Variants in PRKCA observed in about 807,000 individuals in gnomAD.
The protein encoded by PRKCA is protein kinase C alpha.
A neutral mutation model predicts 87.0 loss-of-function variants in PRKCA; 27 were observed. That is an observed-to-expected ratio of 0.31 (90% confidence interval 0.23 to 0.43). The LOEUF is 0.43. PRKCA is among the 20% of genes least tolerant of loss of function. The pLI, the probability that PRKCA is intolerant of heterozygous loss-of-function variation, is 1.00. For synonymous variants in PRKCA, 329 were observed against 311.1 expected (o/e 1.06, Z -0.61); for missense variants, 518 against 852.3 (o/e 0.61, Z 4.88).
At chr17:66,307,776 C>T (rs1423415458) in intron 2 of PRKCA, among the ~76,000 whole-genome samples, 1 of 152,036 alleles carries the variant, frequency 6.6e-6, no homozygotes, top group African/African-American at 2.4e-5. Context: ...AACATAACTC[C>T]CTTTTACCTA....
intron 13 of PRKCA, among the ~76,000 whole-genome samples, chr17:66,766,867 G>A (rs1007338772): frequency 2.1e-4 from 32 of 151,944 alleles, no homozygotes; most frequent in South Asian, 4.2e-4. Flanking sequence ...CACAGATGGT[G>A]GGGACTGGCT....
intron 2 of PRKCA, among the ~76,000 whole-genome samples, chr17:66,397,892 C>T (rs1910782565): frequency 6.6e-6 from 1 of 152,146 alleles, no homozygotes; most frequent in South Asian, 2.1e-4. Flanking sequence ...GGGAGCTCCT[C>T]AGGATAAGGC....
intron 8 of PRKCA, among the ~76,000 whole-genome samples, chr17:66,693,491 G>T (rs915059613): frequency 1.3e-5 from 2 of 152,172 alleles, no homozygotes; most frequent in Non-Finnish European, 2.9e-5. Context: ...AAAATATTTG[G>T]GAACAAAGCA....
At position 66,788,926 on chromosome 17, in the gene PRKCA, G is replaced by A. The variant is rs923604011; in HGVS notation, c.1801G>A (p.Asp601Asn). The A allele has an allele frequency of 3.7e-6, 6 of 1,614,076 alleles. No individual in the cohort carries two copies. The highest frequency in any genetic ancestry group is 1.1e-5 in the South Asian group (1 of 91,054). ...AGAGCATGCCTTCTTCCGGAGGATCGACTGGGAAAAACTGGAGAACAGGGA... is the reference window on the plus strand; with the variant it reads ...AGAGCATGCCTTCTTCCGGAGGATCAACTGGGAAAAACTGGAGAACAGGGA... ...VREHAFFRRI[D>N]WEKLENREIQ... Residue 601 changes from aspartate (D) to asparagine (N), a missense_variant, in exon 16 of 17, where the codon GAC (aspartate) becomes AAC (asparagine). Coordinates refer to ENST00000413366, the MANE Select transcript of PRKCA (RefSeq NM_002737.3).
intron 13 of PRKCA, among the ~76,000 whole-genome samples, chr17:66,761,533 T>C (rs923897448): frequency 3.3e-5 from 5 of 151,794 alleles, no homozygotes; most frequent in Admixed American, 6.6e-5. Context: ...CTTGGCTCAC[T>C]GCAACCTCTA....
intron 2 of PRKCA, among the ~76,000 whole-genome samples, chr17:66,382,839 ACC>A (rs926947863): frequency 6.6e-6 from 1 of 151,612 alleles, no homozygotes; most frequent in East Asian, 1.9e-4. Context: ...CTGGACAGAC[ACC>A]CCCCCATTAC....
At chr17:66,458,941 A>G (rs924918519) in intron 2 of PRKCA, among the ~76,000 whole-genome samples, 1 of 152,218 alleles carries the variant, frequency 6.6e-6, no homozygotes, top group Non-Finnish European at 1.5e-5. Context: ...GACATGGTGC[A>G]TGTTATCCCC....
chr17:66,418,865 C>T (rs1912328913), intron 2 of PRKCA, among the ~76,000 whole-genome samples: 2 of 152,148 alleles, frequency 1.3e-5, no homozygotes, highest in African/African-American at 4.8e-5. Flanking sequence ...CATTCTCCTA[C>T]CTCAGCCTCC....
At chr17:66,488,605 T>C (rs937356610) in intron 2 of PRKCA, among the ~76,000 whole-genome samples, 2 of 152,162 alleles carry the variant, frequency 1.3e-5, no homozygotes, top group Admixed American at 6.5e-5. Flanking sequence ...GCACAAAAGA[T>C]GCTCAGTAGT....
intron 3 of PRKCA, among the ~76,000 whole-genome samples, chr17:66,536,067 T>A (rs149251993): frequency 9.7e-4 from 148 of 152,354 alleles, no homozygotes; most frequent in Middle Eastern, 3.4e-3. Context: ...GTTTCTTACC[T>A]GGTTTTGGAC....
intron 2 of PRKCA, among the ~76,000 whole-genome samples, chr17:66,468,969 T>G (rs556234420): frequency 3.0e-4 from 46 of 152,178 alleles, no homozygotes; most frequent in Admixed American, 1.0e-3. Flanking sequence ...GCCACCACTT[T>G]CAACTGTAGA....
At chr17:66,733,726 A>T (rs1215382730) in intron 9 of PRKCA, among the ~76,000 whole-genome samples, 2 of 152,194 alleles carry the variant, frequency 1.3e-5, no homozygotes, top group Non-Finnish European at 2.9e-5. Flanking sequence ...TGGGAGGTGG[A>T]GGTTGCAGTA....
chr17:66,348,959 A>G (rs1444467550), intron 2 of PRKCA, among the ~76,000 whole-genome samples: 1 of 152,228 alleles, frequency 6.6e-6, no homozygotes, highest in East Asian at 1.9e-4. Flanking sequence ...GAATGTATCA[A>G]GGGTTTGGTT....
Position 66,804,959 on chromosome 17 carries a change from CAAG to C in PRKCA, c.*926_*928del. The C allele has an allele frequency of 2.0e-6, 2 of 982,610 alleles. No homozygotes were observed. 60.9% of individuals were successfully genotyped at this position (982,610 alleles called of 1,614,324 possible). On this transcript the variant is annotated 3_prime_UTR_variant, in exon 17 of 17. Coordinates refer to ENST00000413366, the MANE Select transcript of PRKCA (RefSeq NM_002737.3). ...TTGCTGCCTACCTTGTTATCCTTCT[CAAG>C]AAGCTGAAGTGTACGCCCTCTCCCC...
chr17:66,393,204 T>G (rs1567805876), intron 2 of PRKCA, among the ~76,000 whole-genome samples: 1 of 152,106 alleles, frequency 6.6e-6, no homozygotes, highest in African/African-American at 2.4e-5. Context: ...AAACCCCCTT[T>G]GGAGTCTAGT....
At chr17:66,687,326 ATT>A in intron 6 of PRKCA, 59 bp downstream of exon 6, 2 of 1,531,226 alleles carry the variant, frequency 1.3e-6, no homozygotes, top group Non-Finnish European at 1.8e-6. Context: ...TGCCCACCTC[ATT>A]ATTTGAGGTA....
chr17:66,365,794 G>A (rs879779320), intron 2 of PRKCA, among the ~76,000 whole-genome samples: 5 of 152,044 alleles, frequency 3.3e-5, no homozygotes, highest in South Asian at 2.1e-4. Context: ...AGTATTAAAC[G>A]CATGCCAAAG....
intron 2 of PRKCA, among the ~76,000 whole-genome samples, chr17:66,418,898 C>T (rs1285934731): frequency 6.6e-6 from 1 of 151,608 alleles, no homozygotes; most frequent in Non-Finnish European, 1.5e-5. Flanking sequence ...ACTACAGGCG[C>T]CCACCATCAC....
chr17:66,626,554 T>C (rs1390750278), intron 3 of PRKCA, among the ~76,000 whole-genome samples: 3 of 150,688 alleles, frequency 2.0e-5, no homozygotes, highest in East Asian at 3.9e-4. Flanking sequence ...GTATTTTTAG[T>C]GGAGACGGGG....
Sources: allele counts gnomAD v4.1 joint callset (sites outside exome capture counted in the v4.1 genomes callset), GRCh38; gene constraint gnomAD v4.1.1; transcripts MANE v1.5; gene names NCBI Gene and HGNC (gene_info 2026-07-23, HGNC 2026-07-21).